Variants in AEBP2 observed in about 807,000 individuals in gnomAD.
The protein encoded by AEBP2 is AE binding protein 2.
Under a neutral mutation model 50.8 loss-of-function variants are expected in AEBP2, and 10 were observed. That is an observed-to-expected ratio of 0.20 (90% CI 0.12 to 0.33). The LOEUF is 0.33. Ranked by LOEUF, AEBP2 falls within the 10% of genes least tolerant of loss-of-function variation. The probability of loss-of-function intolerance (pLI) is 1.00; values close to 1 mark genes in which losing one functional copy is unlikely to be tolerated. For synonymous variants in AEBP2, 296 were observed against 261.3 expected, an observed-to-expected ratio of 1.13 and a Z score of -1.28; for missense variants, 570 against 688.0, an observed-to-expected ratio of 0.83 and a Z score of 1.92.
chr12:19,514,120 C>G (rs2084125513), intron 6 of AEBP2, among the ~76,000 whole-genome samples: 1 of 151,834 alleles, frequency 6.6e-6, no homozygotes, highest in Admixed American at 6.6e-5. Context: ...GTGCCTCGTT[C>G]TCCGGAGTTG....
chr12:19,459,177 T>A (rs145331038), intron 1 of AEBP2, among the ~76,000 whole-genome samples: 5 of 152,350 alleles, frequency 3.3e-5, no homozygotes, highest in Non-Finnish European at 5.9e-5. Context: ...AAGCAAGTGA[T>A]AGGGAAAATA....
rs1005728540 is a variant in AEBP2 at position 19,521,114 on chromosome 12, G to T, written c.*2997G>T. ...AAATACTTCTGGTCCCAAGCATTTC[G>T]GATAAGGGATACTCAGCCTGTCTCT... On this transcript the variant is annotated 3_prime_UTR_variant, in exon 8 of 8. Transcript: ENST00000266508. 4 of 152,072 alleles carry T rather than the reference G, an allele frequency of 2.6e-5. No homozygotes were observed. The highest frequency in any genetic ancestry group is 9.7e-5 in the African/African-American group (4 of 41,396). 9.4% of individuals were successfully genotyped at this position (152,072 alleles called of 1,614,324 possible).
rs190106809 is a variant in AEBP2 at position 19,417,213 on chromosome 12, C to T, written c.-17+12997C>T. Among the ~76,000 whole-genome samples the T allele has an allele frequency of 3.3e-5, 5 of 152,132 alleles. No individual in the cohort carries two copies. In the East Asian group the frequency reaches 9.7e-4, roughly 29 times the overall value. ...AAAAATGCCTCATAATTTCCTTTTA[C>T]TTACCACACACTCCAGCTAAAGTGA... On this transcript the variant is annotated intron_variant, in intron 1 of 3. Coordinates refer to the AEBP2 transcript ENST00000538425.
chr12:19,435,697 T>A (rs1241800811), upstream of AEBP2, among the ~76,000 whole-genome samples: 4 of 152,258 alleles, frequency 2.6e-5, no homozygotes, highest in African/African-American at 7.2e-5. Context: ...CACAGAATTC[T>A]GTTCGCTCTT....
intron 4 of AEBP2, among the ~76,000 whole-genome samples, chr12:19,498,629 A>G (rs777041038): frequency 2.6e-5 from 4 of 152,182 alleles, no homozygotes; most frequent in South Asian, 2.1e-4. Flanking sequence ...TGAATTTTCA[A>G]TTACAGATCT....
At chr12:19,499,413 G>A (rs146692269) in intron 4 of AEBP2, among the ~76,000 whole-genome samples, 1 of 152,256 alleles carries the variant, frequency 6.6e-6, no homozygotes, top group African/African-American at 2.4e-5. Context: ...AGGAGTTCAA[G>A]ACCAGCCCAG....
chr12:19,431,628 ATGGCTATAC>A (rs1245293780), intron 1 of AEBP2, among the ~76,000 whole-genome samples: 1 of 152,180 alleles, frequency 6.6e-6, no homozygotes, highest in African/African-American at 2.4e-5. Flanking sequence ...AAGTTTCAAA[ATGGCTATAC>A]TGATAGACTT....
intron 1 of AEBP2, among the ~76,000 whole-genome samples, chr12:19,457,978 G>A (rs1304913330): frequency 6.6e-6 from 1 of 152,218 alleles, no homozygotes; most frequent in African/African-American, 2.4e-5. Flanking sequence ...ATATCAGGGT[G>A]TATAGGTCTT....
Position 19,518,378 on chromosome 12 carries a change from C to G in AEBP2, c.*261C>G. Reference sequence around the variant, plus strand: ...TACTGTGGGAGACTGAGCAAACACTCTTTTGGCAACTTAGTAGAACAGCTT... The same window carrying G: ...TACTGTGGGAGACTGAGCAAACACTGTTTTGGCAACTTAGTAGAACAGCTT... On this transcript the variant is annotated 3_prime_UTR_variant, in exon 8 of 8. Transcript: ENST00000266508. 8.1e-7 allele frequency: 1 copy of G among 1,227,566 alleles called. No individual in the cohort carries two copies. Among genetic ancestry groups the G allele is most frequent in the Non-Finnish European group, 1.0e-6 (1 of 983,738 alleles). The allele number at this position is 1,227,566 out of a possible 1,614,324, so 76.0% of individuals were successfully genotyped here.
intron 1 of AEBP2, chr12:19,457,432 T>C (rs1948290279): frequency 1.3e-6 from 2 of 1,516,754 alleles, no homozygotes; most frequent in East Asian, 2.2e-5. Context: ...GAGGTATTAA[T>C]GGTGATACCA....
chr12:19,408,281 G>A (rs376844818), intron 1 of AEBP2, among the ~76,000 whole-genome samples: 1 of 151,936 alleles, frequency 6.6e-6, no homozygotes, highest in Non-Finnish European at 1.5e-5. Flanking sequence ...TCTTGGCCGG[G>A]TGTGCTGGCT....
At chr12:19,445,958 G>C (rs530440564) in intron 1 of AEBP2, 3 of 152,194 alleles carry the variant, frequency 2.0e-5, no homozygotes, top group African/African-American at 7.2e-5. Flanking sequence ...AAAAGAAATG[G>C]AATGCTTCAT....
intron 1 of AEBP2, among the ~76,000 whole-genome samples, chr12:19,406,149 A>C (rs1457242895): frequency 6.6e-6 from 1 of 151,912 alleles, no homozygotes; most frequent in Non-Finnish European, 1.5e-5. Context: ...CATTTTTAGT[A>C]GAGATGGGGT....
At chr12:19,418,104 C>T (rs1010610632) in intron 1 of AEBP2, among the ~76,000 whole-genome samples, 3 of 152,274 alleles carry the variant, frequency 2.0e-5, no homozygotes, top group East Asian at 1.9e-4. Flanking sequence ...AAATAGGAAA[C>T]ATTCACCATC....
chr12:19,484,418 A>G (rs1034993330), intron 3 of AEBP2, among the ~76,000 whole-genome samples: 4 of 150,594 alleles, frequency 2.7e-5, no homozygotes, highest in African/African-American at 7.3e-5. Context: ...CTCTGTTGCC[A>G]GGCTGGAGTG....
chr12:19,491,482 G>A (rs1190473198), intron 3 of AEBP2, among the ~76,000 whole-genome samples: 3 of 152,054 alleles, frequency 2.0e-5, no homozygotes, highest in Non-Finnish European at 4.4e-5. Flanking sequence ...TTTTAGTGTA[G>A]TATCTATATC....
intron 1 of AEBP2, among the ~76,000 whole-genome samples, chr12:19,404,485 G>A (rs1186916600): frequency 1.3e-5 from 2 of 152,150 alleles, no homozygotes; most frequent in Non-Finnish European, 2.9e-5. Context: ...TTCTTTCAAA[G>A]GGTCTGTGGT....
intron 1 of AEBP2, among the ~76,000 whole-genome samples, chr12:19,441,262 A>G (rs12827410): frequency 0.091 from 13,872 of 152,236 alleles, 713 homozygotes; most frequent in Middle Eastern, 0.15. Flanking sequence ...AGTGACAAAA[A>G]TGCGCATTTT....
rs1947902477 is a variant in AEBP2, at chr12:19,439,597, C to T, written c.-103C>T. 5 of 1,404,596 alleles carry T rather than the reference C, an allele frequency of 3.6e-6. No homozygotes were observed. The highest frequency in any genetic ancestry group is 2.8e-5 in the South Asian group (2 of 72,106). 87.0% of individuals were successfully genotyped at this position (1,404,596 alleles called of 1,614,324 possible). A position where few individuals can be genotyped will look rare whatever the true frequency, so the allele number is the denominator to read the frequency against. ...GGGCCCTCCTCCTGCTCTGCAGCGG[C>T]GTCGGCGGAGTTTTGGGCGTTTGGG... On this transcript the variant is annotated 5_prime_UTR_variant, in exon 1 of 8. Transcript: ENST00000266508.
Sources: allele counts gnomAD v4.1 joint callset (sites outside exome capture counted in the v4.1 genomes callset), GRCh38; gene constraint gnomAD v4.1.1; transcripts MANE v1.5; gene names NCBI Gene and HGNC (gene_info 2026-07-23, HGNC 2026-07-21).